Variants in TOX observed in about 807,000 individuals in gnomAD.
TOX encodes the protein thymocyte selection associated high mobility group box, also known as thymocyte selection-associated high mobility group box protein TOX.
In TOX, 11 loss-of-function variants were observed where a neutral mutation model predicts 53.7. That is an observed-to-expected ratio of 0.20 (90% CI 0.13 to 0.34). TOX has a LOEUF of 0.34. TOX is among the 10% of genes least tolerant of loss of function. The pLI is 1.00. For synonymous variants in TOX, 225 were observed against 245.3 expected, an observed-to-expected ratio of 0.92 and a Z score of 0.77; for missense variants, 570 against 664.6, an observed-to-expected ratio of 0.86 and a Z score of 1.56.
Position 59,114,034 on chromosome 8 carries a change from C to A in TOX, c.102+4852G>T, listed in dbSNP as rs189864744. Among the ~76,000 whole-genome samples the A allele has an allele frequency of 1.8e-4, 27 of 152,254 alleles. No individual in the cohort carries two copies. The East Asian group carries it at 4.6e-3, about 26-fold the overall frequency. ...TGACCACTAGAAATAGTCTCACATA[C>A]CAAAACCAACATTTGAGAACCAGGT... On this transcript the variant is annotated intron_variant, in intron 1 of 8. Coordinates refer to ENST00000361421, the MANE Select transcript of TOX (RefSeq NM_014729.3).
At chr8:59,049,164 T>C (rs1005256111) in intron 1 of TOX, among the ~76,000 whole-genome samples, 1 of 151,744 alleles carries the variant, frequency 6.6e-6, no homozygotes, top group Non-Finnish European at 1.5e-5. Flanking sequence ...ACATCTGAAC[T>C]ATATTTAAAT....
chr8:59,007,131 C>T (rs771810034), intron 1 of TOX, among the ~76,000 whole-genome samples: 4 of 152,070 alleles, frequency 2.6e-5, no homozygotes, highest in African/African-American at 4.8e-5. Context: ...TTTCCTTTTC[C>T]CAGTGCCCAC....
chr8:59,023,144 T>C (rs1814167655), intron 1 of TOX, among the ~76,000 whole-genome samples: 1 of 152,186 alleles, frequency 6.6e-6, no homozygotes, highest in African/African-American at 2.4e-5. Flanking sequence ...GCTGAGAAAC[T>C]GAAGGTTTAT....
At chr8:58,839,003 C>T (rs1429275776) in intron 4 of TOX, among the ~76,000 whole-genome samples, 2 of 152,046 alleles carry the variant, frequency 1.3e-5, no homozygotes, top group Admixed American at 6.5e-5. Flanking sequence ...CCCAGCCATC[C>T]TTGTCTTTCT....
intron 6 of TOX, among the ~76,000 whole-genome samples, chr8:58,817,400 A>C (rs1295689342): frequency 6.6e-6 from 1 of 152,104 alleles, no homozygotes. Flanking sequence ...AAAAAAAAAA[A>C]ACAAGTTTTA....
chr8:58,851,756 T>A lies in TOX; in HGVS notation c.461A>T (p.Gln154Leu). The A allele has an allele frequency of 6.2e-7, 1 of 1,612,600 alleles. No individual in the cohort carries two copies. Among genetic ancestry groups the A allele is most frequent in the Non-Finnish European group, 8.5e-7 (1 of 1,179,696 alleles). Residue 154 changes from glutamine (Q) to leucine (L), a missense_variant, in exon 4 of 9, where the codon CAG (glutamine) becomes CTG (leucine). Physicochemically the swap from Gln to Leu is moderately radical, Grantham distance 113. This residue lies in a region of TOX where 282 missense variants were observed against 315.0 expected (regional missense o/e 0.90). Coordinates refer to ENST00000361421, the MANE Select transcript of TOX (RefSeq NM_014729.3). The surrounding 1 kb of genome is among the most constrained non-coding windows in gnomAD (Gnocchi z 4.4). ...GCCCCTTGGTCTCATGGCTGCCATC[T>A]GAGGATGGGAACTGTACTGAGTTCC... ...PEGTQYSSHP[Q>L]MAAMRPRGQP...
In TOX at chr8:58,950,897, GA is replaced by G. The variant is rs766620535; in HGVS notation, c.168+9045del. Among the ~76,000 whole-genome samples the G allele has an allele frequency of 3.9e-5, 6 of 152,148 alleles. No individual in the cohort carries two copies. In the South Asian group the frequency reaches 1.2e-3, roughly 32 times the overall value. On this transcript the variant is annotated intron_variant, in intron 2 of 8. Transcript: ENST00000361421. Reference sequence around the variant, plus strand: ...GGAGGAATCACTGCTCTGCATCAAGGAATCCAGGGACAGCAAATATCCACTG... The same window carrying G: ...GGAGGAATCACTGCTCTGCATCAAGGATCCAGGGACAGCAAATATCCACTG...
intron 1 of TOX, among the ~76,000 whole-genome samples, chr8:59,027,847 G>C (rs974430256): frequency 1.3e-5 from 2 of 152,092 alleles, no homozygotes; most frequent in African/African-American, 4.8e-5. Context: ...CATGGTAATA[G>C]GTCCTTTCTT....
chr8:59,024,601 T>C (rs1422844810), intron 1 of TOX, among the ~76,000 whole-genome samples: 1 of 152,172 alleles, frequency 6.6e-6, no homozygotes, highest in African/African-American at 2.4e-5. Context: ...CTCTTTATAA[T>C]TTGCTGCTGC....
At chr8:58,828,929 T>C (rs1381905294) in intron 5 of TOX, among the ~76,000 whole-genome samples, 1 of 152,178 alleles carries the variant, frequency 6.6e-6, no homozygotes, top group Non-Finnish European at 1.5e-5. Context: ...TAATGCATTT[T>C]TGTATACCCT....
chr8:59,054,716 C>T (rs1803857674), intron 1 of TOX, among the ~76,000 whole-genome samples: 1 of 149,508 alleles, frequency 6.7e-6, no homozygotes, highest in Non-Finnish European at 1.5e-5. Context: ...TGTATACTCT[C>T]ATAAATTACA....
At chr8:58,949,674 A>G (rs975221643) in intron 2 of TOX, among the ~76,000 whole-genome samples, 2 of 152,148 alleles carry the variant, frequency 1.3e-5, no homozygotes, top group Non-Finnish European at 2.9e-5. Context: ...ACTATTTTAA[A>G]TCATGTGCAG....
chr8:59,059,098 T>C (rs971656089), intron 1 of TOX, among the ~76,000 whole-genome samples: 1 of 152,230 alleles, frequency 6.6e-6, no homozygotes. Context: ...CTTTTCTATT[T>C]GTTTGTAAAT....
Position 58,806,685 on chromosome 8 carries a change from T to C in TOX, c.*1062A>G, listed in dbSNP as rs1316965246. ...GCAGGTTTGGCTTTATTCATGTTAC[T>C]GTAAAAACTAAATAATAAAGTATTC... On this transcript the variant is annotated 3_prime_UTR_variant, in exon 9 of 9. Coordinates refer to ENST00000361421, the MANE Select transcript of TOX (RefSeq NM_014729.3). 1.3e-5 allele frequency: 2 copies of C among 152,672 alleles called. No individual in the cohort carries two copies. Among genetic ancestry groups the C allele is most frequent in the Admixed American group, 1.3e-4 (2 of 15,272 alleles). 9.5% of individuals were successfully genotyped at this position (152,672 alleles called of 1,614,324 possible).
chr8:58,964,177 T>C (rs1812851484), intron 1 of TOX, among the ~76,000 whole-genome samples: 1 of 152,192 alleles, frequency 6.6e-6, no homozygotes, highest in African/African-American at 2.4e-5. Context: ...CCTCAGGATT[T>C]TTATTTAATA....
At chr8:58,824,755 T>A (rs1048840992) in intron 6 of TOX, among the ~76,000 whole-genome samples, 2 of 152,230 alleles carry the variant, frequency 1.3e-5, no homozygotes, top group Non-Finnish European at 2.9e-5. Context: ...AAGAGAAAGT[T>A]CTTCAAGTCT....
chr8:59,057,965 G>A (rs945905155), intron 1 of TOX, among the ~76,000 whole-genome samples: 4 of 152,078 alleles, frequency 2.6e-5, no homozygotes, highest in Non-Finnish European at 5.9e-5. Context: ...GACCCAAAGG[G>A]TGCTCTAGAA....
chr8:58,950,503 G>GT (rs1212597689), intron 2 of TOX, among the ~76,000 whole-genome samples: 6 of 152,292 alleles, frequency 3.9e-5, no homozygotes, highest in Non-Finnish European at 8.8e-5. Flanking sequence ...GGGAAGAATT[G>GT]TAAGTGCATC....
At chr8:59,061,726 T>C (rs1803988117) in intron 1 of TOX, among the ~76,000 whole-genome samples, 2 of 151,724 alleles carry the variant, frequency 1.3e-5, no homozygotes, top group Non-Finnish European at 1.5e-5. Flanking sequence ...CTTTCCTATA[T>C]ATATCTAGTA....
Sources: gnomAD v4.1 joint callset for allele counts (sites outside exome capture counted in the v4.1 genomes callset) on GRCh38, gnomAD v4.1.1 for gene constraint, gnomAD v4.1.1 regional missense constraint, Gnocchi (gnomAD v3.1) non-coding constraint, MANE v1.5 for transcripts, NCBI Gene and HGNC (gene_info 2026-07-23, HGNC 2026-07-21) for gene names.